CDYL: variants seen among roughly 807,000 people sequenced by gnomAD.
CDYL encodes chromodomain Y like.
CDYL carries 8 observed loss-of-function variants against 47.3 expected under a neutral mutation model. The observed-to-expected ratio is 0.17, with a 90% CI of 0.10 to 0.31. The LOEUF (loss-of-function observed/expected upper bound fraction) is 0.31, where lower values mean the gene tolerates loss of function less well. Among genes scored for constraint, CDYL ranks in the 10% least tolerant of loss-of-function variants. CDYL has a pLI of 1.00. For synonymous variants in CDYL, 266 were observed against 265.0 expected (o/e 1.00, Z -0.04); for missense variants, 471 against 701.4 (o/e 0.67, Z 3.71).
chr6:4,892,301 A>G lies in CDYL; in HGVS notation c.613A>G (p.Arg205Gly). The change falls in exon 2 of 7, where the codon AGG (arginine) becomes GGG (glycine). Residue 205 changes from arginine (R) to glycine (G), a missense_variant. By Grantham distance (125) the Arg-to-Gly change is moderately radical. Around this residue, in one of 3 missense-constraint regions of CDYL, gnomAD observed 311 missense variants for 350.0 expected, o/e 0.89. Transcript: ENST00000397588. ...GAGGGCCAGGATGGGGAGCAGGCCC[A>G]GGATACACCCACTAGTGCCTCAGGT... ...AERARMGSRP[R>G]IHPLVPQVPG... 6.2e-7 allele frequency: 1 copy of G among 1,614,166 alleles called. No homozygotes were observed. Among genetic ancestry groups the G allele is most frequent in the Non-Finnish European group, 8.5e-7 (1 of 1,180,042 alleles).
chr6:4,783,849 T>C (rs1228572201), intron 1 of CDYL, among the ~76,000 whole-genome samples: 2 of 152,082 alleles, frequency 1.3e-5, no homozygotes, highest in Non-Finnish European at 1.5e-5. Context: ...TGTGATTTTT[T>C]ATTAGTTAGG....
At position 4,759,094 on chromosome 6, in the gene CDYL, G is replaced by C. The variant is rs1450432168; in HGVS notation, c.186+24250G>C. Among the ~76,000 whole-genome samples the C allele has an allele frequency of 2.0e-5, 3 of 150,072 alleles. No individual in the cohort carries two copies. The Admixed American group carries it at 2.0e-4, about 10-fold the overall frequency. On this transcript the variant is annotated intron_variant, in intron 3 of 8. Transcript: ENST00000328908. ...CGCCATTCTCCTGCCTCAGCCTCCC[G>C]AGTAGCTGGGACTGCAGGTGCCTGC...
At chr6:4,909,691 T>C (rs1157038949) in intron 2 of CDYL, among the ~76,000 whole-genome samples, 2 of 151,754 alleles carry the variant, frequency 1.3e-5, no homozygotes, top group African/African-American at 4.8e-5. Context: ...TGCCTCAGCC[T>C]CCCGATTTAG....
intron 1 of CDYL, among the ~76,000 whole-genome samples, chr6:4,834,713 G>A (rs1419847083): frequency 1.2e-4 from 18 of 152,142 alleles, no homozygotes; most frequent in South Asian, 6.2e-4. Flanking sequence ...AGGTACACCA[G>A]TCAGACGTAG....
intron 1 of CDYL, among the ~76,000 whole-genome samples, chr6:4,783,586 T>G (rs939094202): frequency 6.6e-6 from 1 of 152,054 alleles, no homozygotes; most frequent in Non-Finnish European, 1.5e-5. Flanking sequence ...CTGGCTATTT[T>G]TTGTATTTTT....
chr6:4,830,785 G>T (rs1413835574), intron 1 of CDYL, among the ~76,000 whole-genome samples: 7 of 125,784 alleles, frequency 5.6e-5, no homozygotes, highest in Non-Finnish European at 9.4e-5. Flanking sequence ...CCCAGAGTGT[G>T]ATGTTCCCCT....
intron 3 of CDYL, among the ~76,000 whole-genome samples, chr6:4,738,887 C>T (rs574170816): frequency 2.0e-5 from 3 of 152,294 alleles, no homozygotes; most frequent in East Asian, 1.9e-4. Flanking sequence ...TGTGGCCGGG[C>T]GCAGCGGCTC....
chr6:4,807,389 G>A (rs1240720414), intron 1 of CDYL, among the ~76,000 whole-genome samples: 1 of 151,952 alleles, frequency 6.6e-6, no homozygotes, highest in African/African-American at 2.4e-5. Context: ...CATATCTTGG[G>A]GACGATAACT....
At chr6:4,824,338 A>C (rs940923394) in intron 1 of CDYL, among the ~76,000 whole-genome samples, 1 of 152,192 alleles carries the variant, frequency 6.6e-6, no homozygotes, top group East Asian at 1.9e-4. Flanking sequence ...ACTATTTTAC[A>C]CAATGACCAC....
chr6:4,806,052 G>A (rs935787924), intron 1 of CDYL, among the ~76,000 whole-genome samples: 4 of 152,382 alleles, frequency 2.6e-5, no homozygotes, highest in African/African-American at 9.6e-5. Flanking sequence ...GCCTGCTGCT[G>A]AGATTCGACC....
chr6:4,949,506 G>A (rs1053931339), intron 5 of CDYL, among the ~76,000 whole-genome samples: 2 of 152,096 alleles, frequency 1.3e-5, no homozygotes, highest in African/African-American at 4.8e-5. Flanking sequence ...AACTTTCCTC[G>A]GCATTTCCCA....
intron 1 of CDYL, among the ~76,000 whole-genome samples, chr6:4,888,919 G>A (rs533530661): frequency 1.3e-5 from 2 of 152,216 alleles, no homozygotes; most frequent in Non-Finnish European, 2.9e-5. Flanking sequence ...GTTATTTTCA[G>A]TATCATCCCC....
chr6:4,860,148 G>A (rs568821564), intron 1 of CDYL, among the ~76,000 whole-genome samples: 22 of 152,058 alleles, frequency 1.4e-4, no homozygotes, highest in Non-Finnish European at 2.6e-4. Flanking sequence ...TGATCCGCCC[G>A]CCTCGGCCTC....
At chr6:4,896,628 TG>T (rs758802001) in intron 2 of CDYL, among the ~76,000 whole-genome samples, 32 of 152,338 alleles carry the variant, frequency 2.1e-4, no homozygotes, top group Non-Finnish European at 4.1e-4. Context: ...CTCTGGCACA[TG>T]CTTCCTGAAT....
intron 3 of CDYL, among the ~76,000 whole-genome samples, chr6:4,765,058 C>A (rs1273599299): frequency 6.6e-6 from 1 of 152,176 alleles, no homozygotes; most frequent in Non-Finnish European, 1.5e-5. Context: ...TGTGGTGGCT[C>A]ACGCCTGTAA....
At chr6:4,947,597 G>C (rs761377767) in intron 5 of CDYL, among the ~76,000 whole-genome samples, 31 of 152,154 alleles carry the variant, frequency 2.0e-4, no homozygotes, top group Non-Finnish European at 3.5e-4. Flanking sequence ...CTGGCCTGTT[G>C]GGGGGTGGTC....
At chr6:4,895,012 CAT>C (rs887827438) in intron 2 of CDYL, among the ~76,000 whole-genome samples, 5 of 150,288 alleles carry the variant, frequency 3.3e-5, no homozygotes, top group African/African-American at 4.9e-5. Context: ...TATGTTTATA[CAT>C]ATATGTATGT....
intron 1 of CDYL, among the ~76,000 whole-genome samples, chr6:4,829,846 C>T (rs1258075297): frequency 6.6e-6 from 1 of 152,172 alleles, no homozygotes; most frequent in Non-Finnish European, 1.5e-5. Context: ...AACCAGGAAC[C>T]AGGGACTTTC....
intron 1 of CDYL, among the ~76,000 whole-genome samples, chr6:4,781,269 A>G (rs1298442210): frequency 6.6e-6 from 1 of 152,172 alleles, no homozygotes; most frequent in Non-Finnish European, 1.5e-5. Context: ...GTGCACCACA[A>G]GGCTTTTACT....
Sources: gnomAD v4.1 joint callset for allele counts (sites outside exome capture counted in the v4.1 genomes callset) on GRCh38, gnomAD v4.1.1 for gene constraint, gnomAD v4.1.1 regional missense constraint, MANE v1.5 for transcripts, NCBI Gene and HGNC (gene_info 2026-07-23, HGNC 2026-07-21) for gene names.